Variants in PLD5 observed in about 807,000 individuals in gnomAD.
PLD5 encodes the protein inactive phospholipase D5.
Under a neutral mutation model 61.1 loss-of-function variants are expected in PLD5, and 36 were observed. That is an observed-to-expected ratio of 0.59 (90% CI 0.45 to 0.78). The LOEUF (loss-of-function observed/expected upper bound fraction) is 0.78. Among genes scored for constraint, PLD5 ranks in the 30% least tolerant of loss-of-function variants. PLD5 has a pLI of 0.00. For synonymous variants in PLD5, 243 were observed against 242.8 expected, an observed-to-expected ratio of 1.00 and a Z score of -0.01; for missense variants, 515 against 644.4, an observed-to-expected ratio of 0.80 and a Z score of 2.17.
intron 7 of PLD5, among the ~76,000 whole-genome samples, chr1:242,109,364 G>A (rs1273544309): frequency 1.3e-5 from 2 of 152,198 alleles, no homozygotes; most frequent in African/African-American, 4.8e-5. Flanking sequence ...TGTAATCCCA[G>A]CTACTCGGGA....
In PLD5 at chr1:242,272,999, GCTGCACCTGTCAAC is replaced by G. The variant is rs1434278503; in HGVS notation, c.496-7565_496-7552del. On this transcript the variant is annotated intron_variant, in intron 3 of 9. Transcript: ENST00000536534. ...AGGTATACATGTGCCATGGTGGTTT[GCTGCACCTGTCAAC>G]CCATCATCTGGGTTTTAAGGCCGGC... Among the ~76,000 whole-genome samples, 7 of 152,024 alleles carry G rather than the reference GCTGCACCTGTCAAC, an allele frequency of 4.6e-5. No individual in the cohort carries two copies. In the East Asian group the frequency reaches 1.4e-3, roughly 29 times the overall value.
chr1:242,222,239 A>T (rs1392515504), intron 4 of PLD5, among the ~76,000 whole-genome samples: 2 of 152,194 alleles, frequency 1.3e-5, no homozygotes, highest in African/African-American at 4.8e-5. Flanking sequence ...CCCATTTTCA[A>T]GTAAGGTCAC....
chr1:242,331,490 T>C (rs1267235727), intron 2 of PLD5, among the ~76,000 whole-genome samples: 4 of 151,726 alleles, frequency 2.6e-5, no homozygotes, highest in Non-Finnish European at 4.4e-5. Context: ...TCATCTCTCA[T>C]GGAAATGCCA....
At chr1:242,266,376 A>G (rs2149104710) in intron 3 of PLD5, among the ~76,000 whole-genome samples, 1 of 152,326 alleles carries the variant, frequency 6.6e-6, no homozygotes, top group African/African-American at 2.4e-5. Flanking sequence ...ACAAGAATCC[A>G]TCTCAACAAA....
chr1:242,226,306 G>A (rs762410319), intron 4 of PLD5, among the ~76,000 whole-genome samples: 1 of 152,194 alleles, frequency 6.6e-6, no homozygotes, highest in Admixed American at 6.5e-5. Flanking sequence ...ACAATGTGAC[G>A]CGTCAGGACC....
At chr1:242,502,533 T>G (rs374888969) in intron 1 of PLD5, among the ~76,000 whole-genome samples, 27 of 152,214 alleles carry the variant, frequency 1.8e-4, no homozygotes, top group African/African-American at 6.5e-4. Flanking sequence ...TGCAACACTG[T>G]TAAATAAAAG....
At chr1:242,414,051 G>A (rs1251265694) in intron 1 of PLD5, among the ~76,000 whole-genome samples, 1 of 152,138 alleles carries the variant, frequency 6.6e-6, no homozygotes, top group Admixed American at 6.5e-5. Context: ...AAGCAGAAGT[G>A]TCAAGTGAAA....
intron 5 of PLD5, among the ~76,000 whole-genome samples, chr1:242,181,913 A>G (rs1167623390): frequency 3.9e-5 from 6 of 152,104 alleles, no homozygotes; most frequent in African/African-American, 9.7e-5. Flanking sequence ...AGTGCTGGGA[A>G]AATACTTCTT....
At chr1:242,092,690 C>A (rs1359674985) in intron 9 of PLD5, among the ~76,000 whole-genome samples, 1 of 152,132 alleles carries the variant, frequency 6.6e-6, no homozygotes, top group African/African-American at 2.4e-5. Flanking sequence ...CCTGGGCACC[C>A]CTGGCCCAAG....
intron 1 of PLD5, among the ~76,000 whole-genome samples, chr1:242,409,073 AAAGAAAAG>A (rs763573505): frequency 1.2e-4 from 14 of 117,370 alleles, no homozygotes; most frequent in South Asian, 7.1e-4. Flanking sequence ...CTCAAAAAAA[AAAGAAAAG>A]AAAAGAAAAG....
At chr1:242,105,487 G>A (rs189269129) in intron 8 of PLD5, among the ~76,000 whole-genome samples, 41 of 152,344 alleles carry the variant, frequency 2.7e-4, no homozygotes, top group African/African-American at 9.6e-4. Context: ...GCCTCCCAAA[G>A]TGCTGGGATT....
At position 242,252,657 on chromosome 1, in the gene PLD5, T is replaced by C. The variant is rs563938301; in HGVS notation, c.607+12680A>G. ...AGCCCTTATGATTCTGGGGATCCCATGATCAGTATTTTTAGCAACTAGCTT... is the reference window on the plus strand; with the variant it reads ...AGCCCTTATGATTCTGGGGATCCCACGATCAGTATTTTTAGCAACTAGCTT... On this transcript the variant is annotated intron_variant, in intron 4 of 9. Coordinates refer to ENST00000536534, the MANE Select transcript of PLD5 (RefSeq NM_001372062.1). Among the ~76,000 whole-genome samples the C allele has an allele frequency of 6.6e-5, 10 of 152,248 alleles. No homozygotes were observed. The East Asian group carries it at 1.9e-3, about 29-fold the overall frequency.
At chr1:242,485,746 C>T (rs1237596566) in intron 1 of PLD5, among the ~76,000 whole-genome samples, 18 of 152,248 alleles carry the variant, frequency 1.2e-4, no homozygotes, top group African/African-American at 3.6e-4. Context: ...AAAAAGAGCT[C>T]GCATTGCCAA....
chr1:242,341,958 G>A (rs1659858636), intron 2 of PLD5, among the ~76,000 whole-genome samples: 2 of 151,256 alleles, frequency 1.3e-5, no homozygotes, highest in Admixed American at 6.6e-5. Flanking sequence ...GAAGATGAGA[G>A]GCAAGTGTGA....
chr1:242,121,276 G>A (rs1438869322), intron 6 of PLD5, among the ~76,000 whole-genome samples: 2 of 152,144 alleles, frequency 1.3e-5, no homozygotes, highest in African/African-American at 4.8e-5. Context: ...TTAATAGTAG[G>A]TGATCTTCAG....
At chr1:242,093,659 C>T (rs1356206568) in intron 9 of PLD5, among the ~76,000 whole-genome samples, 10 of 152,120 alleles carry the variant, frequency 6.6e-5, no homozygotes, top group Admixed American at 6.6e-4. Flanking sequence ...ATCCTAAAGG[C>T]ATCCTTTGTG....
intron 3 of PLD5, among the ~76,000 whole-genome samples, chr1:242,274,902 C>T (rs184181322): frequency 1.3e-5 from 2 of 152,262 alleles, no homozygotes; most frequent in African/African-American, 2.4e-5. Context: ...CACTTCCTCT[C>T]GTCAGAGATT....
chr1:242,363,808 C>T (rs1232194059), intron 1 of PLD5, among the ~76,000 whole-genome samples: 1 of 152,108 alleles, frequency 6.6e-6, no homozygotes, highest in African/African-American at 2.4e-5. Flanking sequence ...AAAAGACACA[C>T]ATCTAAATTC....
chr1:242,485,620 G>A (rs942156697), intron 1 of PLD5, among the ~76,000 whole-genome samples: 9 of 152,152 alleles, frequency 5.9e-5, no homozygotes, highest in African/African-American at 4.8e-5. Context: ...AATCAATATC[G>A]TGAAAATGGC....
Sources: gnomAD v4.1 joint callset for allele counts (sites outside exome capture counted in the v4.1 genomes callset) on GRCh38, gnomAD v4.1.1 for gene constraint, MANE v1.5 for transcripts, NCBI Gene and HGNC (gene_info 2026-07-23, HGNC 2026-07-21) for gene names.